PFKP: variants seen among roughly 807,000 people sequenced by gnomAD.
PFKP encodes the protein phosphofructokinase, platelet.
A neutral mutation model predicts 94.3 loss-of-function variants in PFKP; 101 were observed. The observed-to-expected ratio is 1.07, with a 90% confidence interval of 0.91 to 1.26. The LOEUF is 1.26. Among genes scored for constraint, PFKP ranks in the 50% most tolerant of loss-of-function variants. The pLI is 0.00. For synonymous variants in PFKP, 573 were observed against 432.6 expected (o/e 1.32, Z -4.03); for missense variants, 1,145 against 1,103.3 (o/e 1.04, Z -0.53).
intron 16 of PFKP, among the ~76,000 whole-genome samples, chr10:3,126,660 A>G (rs755487736): frequency 6.6e-6 from 1 of 152,258 alleles, no homozygotes; most frequent in Non-Finnish European, 1.5e-5. Context: ...TTCACAGAGC[A>G]AGGTGGTTCT....
intron 10 of PFKP, among the ~76,000 whole-genome samples, chr10:3,109,992 C>T (rs1564316349): frequency 6.6e-6 from 1 of 152,124 alleles, no homozygotes; most frequent in Non-Finnish European, 1.5e-5. Flanking sequence ...CCAGTTTCAG[C>T]CATTTCCTGT....
chr10:3,135,713 ATCT>A lies in PFKP; in HGVS notation c.2123-21_2123-19del. ...TGCCCATGTTGACAGGGTGTTATTA[ATCT>A]TTTTTAAAATCTTTTATAGGAAAAA... On this transcript the variant is annotated intron_variant, in intron 20 of 21. Coordinates refer to ENST00000381125, the MANE Select transcript of PFKP (RefSeq NM_002627.5). 6.8e-7 allele frequency: 1 copy of A among 1,461,974 alleles called. No individual in the cohort carries two copies. Among genetic ancestry groups the A allele is most frequent in the Non-Finnish European group, 9.6e-7 (1 of 1,044,190 alleles). The allele number at this position is 1,461,974 out of a possible 1,614,324, so 90.6% of individuals were successfully genotyped here. A position where few individuals can be genotyped will look rare whatever the true frequency, so the allele number is the denominator to read the frequency against.
intron 13 of PFKP, among the ~76,000 whole-genome samples, chr10:3,114,709 G>A (rs11251724): frequency 0.62 from 94,852 of 152,048 alleles, 30,806 homozygotes; most frequent in East Asian, 0.84. Context: ...CATCCCAGGT[G>A]GAGGGAAAGG....
intron 10 of PFKP, among the ~76,000 whole-genome samples, chr10:3,110,590 C>T (rs77356268): frequency 0.018 from 2,749 of 152,092 alleles, 71 homozygotes; most frequent in African/African-American, 0.057. Flanking sequence ...ACAAAGAAGT[C>T]GTGAAGCAAT....
chr10:3,133,109 T>G, intron 18 of PFKP, 94 bp from the exon 19 acceptor site: 1 of 828,522 alleles, frequency 1.2e-6, no homozygotes, highest in South Asian at 1.4e-5. Flanking sequence ...GGTTGGGGGA[T>G]GCGGGAGTCC....
chr10:3,114,570 C>T (rs1013470356), intron 13 of PFKP, among the ~76,000 whole-genome samples: 5 of 152,250 alleles, frequency 3.3e-5, no homozygotes, highest in African/African-American at 1.2e-4. Context: ...TGAGGATCCT[C>T]CTGCTCTCTG....
rs556360997 is a variant in PFKP at position 3,125,193 on chromosome 10, G to T, written c.1684-4626G>T. ...GGTGCCGGCCACGATTAGCAACAAT[G>T]TCCCAGGCACAGAAATAAGCCTGGG... On this transcript the variant is annotated intron_variant, in intron 16 of 21. Transcript: ENST00000381125. The T allele has an allele frequency of 2.2e-6, 3 of 1,349,286 alleles. No individual in the cohort carries two copies. The South Asian group carries it at 3.6e-5, about 16-fold the overall frequency. 83.6% of individuals were successfully genotyped at this position (1,349,286 alleles called of 1,614,324 possible).
chr10:3,093,704 C>T (rs546751819), intron 2 of PFKP, among the ~76,000 whole-genome samples: 19 of 135,152 alleles, frequency 1.4e-4, no homozygotes, highest in Middle Eastern at 5.4e-3. Flanking sequence ...AGTGCAGTGG[C>T]GCAATCTCAG....
chr10:3,136,375 C>G (rs1049485730), intron 21 of PFKP, 75 bp from the exon 22 acceptor site: 3 of 1,523,486 alleles, frequency 2.0e-6, no homozygotes, highest in African/African-American at 1.4e-5. Context: ...CAAGACCGCT[C>G]GCTGTGCTGG....
In PFKP at chr10:3,103,902, G is replaced by A. The variant is rs1435463380; in HGVS notation, c.578G>A (p.Arg193Lys). Residue 193 changes from arginine to lysine, a missense_variant, in exon 5 of 22, where the codon AGG becomes AAG. By Grantham distance (26) the Arg-to-Lys change is conservative. Around this residue, in one of 3 missense-constraint regions of PFKP, gnomAD observed 1,119 missense variants for 1,062.8 expected, o/e 1.05. Transcript: ENST00000381125. ...ATCGGCACGGACTCCGCCCTGCACAGGATCATCGAGGTCGTCGACGCCATC... is the reference window on the plus strand; with the variant it reads ...ATCGGCACGGACTCCGCCCTGCACAAGATCATCGAGGTCGTCGACGCCATC... ...MTIGTDSALHRIIEVVDAIMT... is the reference protein window; with the variant it reads ...MTIGTDSALHKIIEVVDAIMT... 3.7e-6 allele frequency: 6 copies of A among 1,613,796 alleles called. No individual in the cohort carries two copies. The highest frequency in any genetic ancestry group is 5.1e-6 in the Non-Finnish European group (6 of 1,180,050).
chr10:3,128,015 C>T (rs1838142570), intron 16 of PFKP, among the ~76,000 whole-genome samples: 1 of 141,812 alleles, frequency 7.1e-6, no homozygotes, highest in Non-Finnish European at 1.6e-5. Flanking sequence ...GTCTCAAGTC[C>T]ACACCCCCAC....
At chr10:3,086,841 G>A (rs577337101) in intron 2 of PFKP, among the ~76,000 whole-genome samples, 33 of 152,248 alleles carry the variant, frequency 2.2e-4, no homozygotes, top group African/African-American at 7.2e-4. Context: ...TGCTGTAGTC[G>A]CCCGTCTGTT....
At chr10:3,080,355 A>C (rs1832955274) in intron 1 of PFKP, among the ~76,000 whole-genome samples, 1 of 152,056 alleles carries the variant, frequency 6.6e-6, no homozygotes, top group Non-Finnish European at 1.5e-5. Context: ...GTCTCTACTA[A>C]AAATACAAAA....
At chr10:3,109,002 G>A (rs116479411) in intron 9 of PFKP, among the ~76,000 whole-genome samples, 1,906 of 152,290 alleles carry the variant, frequency 0.013, 46 homozygotes, top group African/African-American at 0.044. Context: ...GCTCCCTAAT[G>A]TGGGAAGGCA....
At chr10:3,081,107 C>T (rs1232026193) in intron 1 of PFKP, among the ~76,000 whole-genome samples, 2 of 152,180 alleles carry the variant, frequency 1.3e-5, no homozygotes, top group Middle Eastern at 3.2e-3. Flanking sequence ...TACACACATA[C>T]ATATACATAC....
chr10:3,112,621 C>T (rs1438769842), intron 11 of PFKP, among the ~76,000 whole-genome samples: 3 of 152,178 alleles, frequency 2.0e-5, no homozygotes, highest in African/African-American at 7.2e-5. Flanking sequence ...GCAGTGGTGC[C>T]ATCTCAGCTC....
At chr10:3,091,226 C>G (rs1465532119) in intron 2 of PFKP, among the ~76,000 whole-genome samples, 1 of 152,092 alleles carries the variant, frequency 6.6e-6, no homozygotes, top group Non-Finnish European at 1.5e-5. Flanking sequence ...TTCTCTTAAG[C>G]TAAGGTTTTT....
At position 3,132,443 on chromosome 10, in the gene PFKP, TGAGA is replaced by T. The variant is rs376621815; in HGVS notation, c.1910+11_1910+14del. On this transcript the variant is annotated splice_donor_5th_base_variant and intron_variant, in intron 18 of 21. Coordinates refer to ENST00000381125, the MANE Select transcript of PFKP (RefSeq NM_002627.5). ...CATCCAGAGAGGCCTTGTGCTCAGG[TGAGA>T]GAGAGAGACCAGGGGCTGATCTTAC... 112 of 1,603,436 alleles carry T rather than the reference TGAGA, an allele frequency of 7.0e-5. No individual in the cohort carries two copies. The highest frequency in any genetic ancestry group is 5.0e-4 in the South Asian group (45 of 90,846).
intron 13 of PFKP, 67 bp downstream of exon 13, chr10:3,113,585 G>T: frequency 4.1e-6 from 6 of 1,466,936 alleles, no homozygotes; most frequent in Non-Finnish European, 5.6e-6. Context: ...CGTGGCGGCG[G>T]GGGGGTGCCC....
Sources: gnomAD v4.1 joint callset for allele counts (sites outside exome capture counted in the v4.1 genomes callset) on GRCh38, gnomAD v4.1.1 for gene constraint, gnomAD v4.1.1 regional missense constraint, MANE v1.5 for transcripts, NCBI Gene and HGNC (gene_info 2026-07-23, HGNC 2026-07-21) for gene names.